Variants in SNTG1 observed in about 807,000 individuals in gnomAD.
SNTG1 encodes the protein gamma-1-syntrophin.
Under a neutral mutation model 74.7 loss-of-function variants are expected in SNTG1, and 39 were observed. That is an observed-to-expected ratio of 0.52 (90% CI 0.40 to 0.68). The LOEUF (loss-of-function observed/expected upper bound fraction) is 0.68. Ranked by LOEUF, SNTG1 falls within the 30% of genes least tolerant of loss-of-function variation. The probability of loss-of-function intolerance (pLI) is 0.00; values close to 1 mark genes in which losing one functional copy is unlikely to be tolerated. For missense variants in SNTG1, 685 were observed against 609.5 expected (o/e 1.12, Z -1.30); for synonymous variants, 254 against 217.1 (o/e 1.17, Z -1.49).
intron 12 of SNTG1, among the ~76,000 whole-genome samples, chr8:50,567,343 T>C (rs2094521719): frequency 6.6e-6 from 1 of 152,070 alleles, no homozygotes; most frequent in African/African-American, 2.4e-5. Context: ...TAGAGATAAT[T>C]TTACATGACA....
At chr8:50,272,342 C>CT (rs2087827024) in intron 2 of SNTG1, among the ~76,000 whole-genome samples, 1 of 152,168 alleles carries the variant, frequency 6.6e-6, no homozygotes, top group African/African-American at 2.4e-5. Context: ...GAAGCAGCAG[C>CT]TTTTTTGTAG....
In SNTG1 at chr8:50,371,876, G is replaced by A. The variant is rs78058981; in HGVS notation, c.-27-22336G>A. 3.8e-3 allele frequency among the ~76,000 whole-genome samples: 577 copies of A among 152,148 alleles called. 5 individuals are homozygous for A. The highest frequency in any genetic ancestry group is 0.014 in the African/African-American group (562 of 41,510). ...CCCCTGCTCCCTTTGGCTACCATTTGTCTAGAGTATCTTTTCCTATTTTTT... is the reference window on the plus strand; with the variant it reads ...CCCCTGCTCCCTTTGGCTACCATTTATCTAGAGTATCTTTTCCTATTTTTT... On this transcript the variant is annotated intron_variant, in intron 2 of 18. Coordinates refer to ENST00000642720, the MANE Select transcript of SNTG1 (RefSeq NM_018967.5).
At chr8:50,018,291 T>C (rs1009223969) in intron 1 of SNTG1, among the ~76,000 whole-genome samples, 1 of 152,062 alleles carries the variant, frequency 6.6e-6, no homozygotes, top group African/African-American at 2.4e-5. Flanking sequence ...ATAAAGACAC[T>C]GAGGTATTGG....
At chr8:50,443,211 A>T (rs2093374629) in intron 5 of SNTG1, among the ~76,000 whole-genome samples, 1 of 152,146 alleles carries the variant, frequency 6.6e-6, no homozygotes, top group Non-Finnish European at 1.5e-5. Flanking sequence ...TTTATCTCTC[A>T]TATCTTTTAA....
At chr8:50,330,399 A>G (rs1485139320) in intron 2 of SNTG1, among the ~76,000 whole-genome samples, 1 of 152,130 alleles carries the variant, frequency 6.6e-6, no homozygotes, top group Non-Finnish European at 1.5e-5. Context: ...TATTTGCAGC[A>G]TGAGAACAGA....
At chr8:50,215,358 G>A (rs546163804) in intron 2 of SNTG1, among the ~76,000 whole-genome samples, 116 of 148,870 alleles carry the variant, frequency 7.8e-4, no homozygotes, top group African/African-American at 2.6e-3. Context: ...TGAACAAGGG[G>A]CATAGAGAAA....
At chr8:50,510,280 G>A (rs1329035893) in intron 9 of SNTG1, among the ~76,000 whole-genome samples, 1 of 152,134 alleles carries the variant, frequency 6.6e-6, no homozygotes, top group South Asian at 2.1e-4. Context: ...TGATCATGTT[G>A]GATAAGCTTT....
intron 1 of SNTG1, among the ~76,000 whole-genome samples, chr8:49,945,383 T>C (rs1809083523): frequency 1.3e-5 from 2 of 152,192 alleles, no homozygotes; most frequent in Admixed American, 6.5e-5. Flanking sequence ...AAATGCTTTA[T>C]TTTTAAAGGT....
At chr8:49,968,724 T>C (rs1181011406) in intron 1 of SNTG1, among the ~76,000 whole-genome samples, 6 of 152,112 alleles carry the variant, frequency 3.9e-5, no homozygotes, top group Non-Finnish European at 8.8e-5. Context: ...TAATGAAGAC[T>C]TCTCCATGAA....
At chr8:50,015,865 G>A (rs151120265) in intron 1 of SNTG1, among the ~76,000 whole-genome samples, 6 of 152,188 alleles carry the variant, frequency 3.9e-5, no homozygotes, top group East Asian at 1.9e-4. Context: ...AGTTGTAGTC[G>A]GTTGGCAAGA....
At chr8:50,318,394 C>T (rs2090396251) in intron 2 of SNTG1, among the ~76,000 whole-genome samples, 2 of 152,210 alleles carry the variant, frequency 1.3e-5, no homozygotes, top group Admixed American at 1.3e-4. Flanking sequence ...ACATGCTCCT[C>T]GTGGCCTGAA....
chr8:49,923,426 T>G (rs1285806130), intron 1 of SNTG1, among the ~76,000 whole-genome samples: 1 of 152,156 alleles, frequency 6.6e-6, no homozygotes, highest in South Asian at 2.1e-4. Flanking sequence ...AAGTCTTCAA[T>G]AGCCTATTTT....
At chr8:50,103,342 C>G (rs2080224895) in intron 1 of SNTG1, among the ~76,000 whole-genome samples, 2 of 152,124 alleles carry the variant, frequency 1.3e-5, no homozygotes, top group African/African-American at 4.8e-5. Flanking sequence ...GGAGTTCACT[C>G]ATGATTTGGC....
intron 8 of SNTG1, among the ~76,000 whole-genome samples, chr8:50,462,270 C>G (rs908526835): frequency 2.7e-5 from 4 of 145,614 alleles, no homozygotes; most frequent in Non-Finnish European, 6.1e-5. Context: ...ATACTATAGT[C>G]TATTATGCAT....
chr8:50,387,430 T>C (rs924845433), intron 2 of SNTG1, among the ~76,000 whole-genome samples: 13 of 152,152 alleles, frequency 8.5e-5, no homozygotes, highest in African/African-American at 1.9e-4. Flanking sequence ...TCTTAAGTCA[T>C]CTGTTAACTT....
chr8:50,505,706 G>T (rs1274828979), intron 9 of SNTG1, among the ~76,000 whole-genome samples: 2 of 152,048 alleles, frequency 1.3e-5, no homozygotes, highest in Non-Finnish European at 2.9e-5. Context: ...CTGGTTATTT[G>T]TTTTGCTGTT....
At chr8:50,623,180 G>T (rs539856322) in intron 13 of SNTG1, among the ~76,000 whole-genome samples, 2 of 152,118 alleles carry the variant, frequency 1.3e-5, no homozygotes, top group African/African-American at 4.8e-5. Context: ...GTGATCAATT[G>T]TTCTGACAAG....
At chr8:50,161,131 A>G (rs1425465543) in intron 1 of SNTG1, among the ~76,000 whole-genome samples, 1 of 152,226 alleles carries the variant, frequency 6.6e-6, no homozygotes, top group East Asian at 1.9e-4. Flanking sequence ...GATGATGATG[A>G]TCCATGAAAG....
intron 11 of SNTG1, among the ~76,000 whole-genome samples, chr8:50,541,423 C>T (rs1003456734): frequency 2.6e-5 from 4 of 152,096 alleles, no homozygotes; most frequent in Admixed American, 6.6e-5. Flanking sequence ...GCCCTCCTCC[C>T]TCACCACATT....
Sources: allele counts gnomAD v4.1 joint callset (sites outside exome capture counted in the v4.1 genomes callset), GRCh38; gene constraint gnomAD v4.1.1; transcripts MANE v1.5; gene names NCBI Gene and HGNC (gene_info 2026-07-23, HGNC 2026-07-21).